The following MICU3 variants were observed in gnomAD, a reference collection of about 807,000 sequenced individuals.
MICU3 encodes the protein calcium uptake protein 3, mitochondrial.
MICU3 carries 62 observed loss-of-function variants against 66.5 expected under a neutral mutation model. The ratio of observed to expected loss-of-function variants is 0.93; its 90% CI spans 0.76 to 1.15. The LOEUF is 1.15. Ranked by LOEUF, MICU3 falls within the 50% of genes most tolerant of loss-of-function variation. MICU3 has a pLI of 0.00. For missense variants in MICU3, 779 were observed against 664.4 expected, an observed-to-expected ratio of 1.17 and a Z score of -1.90; for synonymous variants, 308 against 240.7, an observed-to-expected ratio of 1.28 and a Z score of -2.59.
At chr8:17,049,274 A>G (rs917493124) in intron 1 of MICU3, among the ~76,000 whole-genome samples, 5 of 152,210 alleles carry the variant, frequency 3.3e-5, no homozygotes, top group African/African-American at 1.2e-4. Flanking sequence ...AGAAAAAGCC[A>G]GACAGTAGGA....
chr8:17,054,887 C>T (rs1277117541), intron 1 of MICU3, among the ~76,000 whole-genome samples: 7 of 151,600 alleles, frequency 4.6e-5, no homozygotes, highest in South Asian at 2.1e-4. Context: ...TACAGGCGCC[C>T]GCCACCATGC....
intron 12 of MICU3, among the ~76,000 whole-genome samples, chr8:17,115,638 T>C (rs1025665192): frequency 6.6e-6 from 1 of 152,232 alleles, no homozygotes; most frequent in Admixed American, 6.5e-5. Flanking sequence ...ATCCTGCTAC[T>C]AGCTGCTTTC....
intron 2 of MICU3, 137 bp downstream of exon 2, chr8:17,064,374 A>C: frequency 3.6e-6 from 2 of 561,372 alleles, no homozygotes; most frequent in Non-Finnish European, 5.8e-6. Flanking sequence ...ATTCAGTGTT[A>C]CAGACTGATA....
In MICU3 at chr8:17,117,037, G is replaced by T. The variant is rs189182370; in HGVS notation, c.1524+437G>T. Among the ~76,000 whole-genome samples, 6 of 152,242 alleles carry T rather than the reference G, an allele frequency of 3.9e-5. No individual in the cohort carries two copies. The East Asian group carries it at 1.2e-3, about 29-fold the overall frequency. On this transcript the variant is annotated intron_variant, in intron 13 of 14. Coordinates refer to ENST00000318063, the MANE Select transcript of MICU3 (RefSeq NM_181723.3). ...CTGCCACCCAAGCTAGAGTGCAGTG[G>T]CATGATCACAGCTCACTGCAGCCTT...
At chr8:17,046,085 A>G (rs970763459) in intron 1 of MICU3, among the ~76,000 whole-genome samples, 3 of 152,330 alleles carry the variant, frequency 2.0e-5, no homozygotes, top group South Asian at 2.1e-4. Flanking sequence ...CCTGAGTTCT[A>G]TGAGCTGCTG....
intron 1 of MICU3, among the ~76,000 whole-genome samples, chr8:17,041,970 G>A (rs1312146584): frequency 6.6e-6 from 1 of 152,176 alleles, no homozygotes; most frequent in African/African-American, 2.4e-5. Flanking sequence ...CCTAGCCACT[G>A]TAAAAAACTA....
At chr8:17,059,898 C>A (rs937390045) in intron 1 of MICU3, among the ~76,000 whole-genome samples, 1 of 152,038 alleles carries the variant, frequency 6.6e-6, no homozygotes, top group African/African-American at 2.4e-5. Context: ...TATTGTGAGA[C>A]GATCAATTCT....
At chr8:17,135,753 A>G in the MICU3 span, among the ~76,000 whole-genome samples, 1 of 152,114 alleles carries the variant, frequency 6.6e-6, no homozygotes, top group Non-Finnish European at 1.5e-5. Flanking sequence ...TGTTGATCAG[A>G]AGAAAGTATC....
intron 11 of MICU3, among the ~76,000 whole-genome samples, chr8:17,113,315 A>T (rs1365767130): frequency 2.6e-5 from 4 of 152,242 alleles, no homozygotes; most frequent in Non-Finnish European, 5.9e-5. Context: ...TGCTGAGGAG[A>T]ACCCATTAAC....
intron 11 of MICU3, among the ~76,000 whole-genome samples, chr8:17,110,516 A>C (rs1802096119): frequency 1.3e-5 from 2 of 152,078 alleles, no homozygotes; most frequent in African/African-American, 4.8e-5. Flanking sequence ...ATCATATAGC[A>C]TGTAACCTTT....
chr8:17,100,363 A>T (rs1467182650), intron 9 of MICU3, among the ~76,000 whole-genome samples: 1 of 151,808 alleles, frequency 6.6e-6, no homozygotes, highest in Non-Finnish European at 1.5e-5. Flanking sequence ...AAAAAGAGGA[A>T]AAGAAAAGAA....
intron 1 of MICU3, among the ~76,000 whole-genome samples, chr8:17,036,791 C>T (rs1367535675): frequency 1.3e-5 from 2 of 152,228 alleles, no homozygotes; most frequent in Non-Finnish European, 2.9e-5. Flanking sequence ...GGTGGAGCTA[C>T]CTGCCAGTCC....
rs536834607 is a variant in MICU3, at chr8:17,059,995, T to G, written c.382-4089T>G. On this transcript the variant is annotated intron_variant, in intron 1 of 14. Transcript: ENST00000318063. ...CACTGATTTCAAAGTTTACCTTGAA[T>G]AGAAAATTACCTGTCATCACATATA... Among the ~76,000 whole-genome samples the G allele has an allele frequency of 4.0e-4, 61 of 152,318 alleles. 1 individual carries two copies. The highest frequency in any genetic ancestry group is 1.4e-3 in the African/African-American group (59 of 41,580).
At chr8:17,081,466 G>T (rs1452180954) in intron 4 of MICU3, among the ~76,000 whole-genome samples, 1 of 151,750 alleles carries the variant, frequency 6.6e-6, no homozygotes, top group Non-Finnish European at 1.5e-5. Flanking sequence ...TGCTTTTTTT[G>T]CCAATATATT....
At chr8:17,134,696 G>A in the MICU3 span, among the ~76,000 whole-genome samples, 1 of 152,122 alleles carries the variant, frequency 6.6e-6, no homozygotes, top group Non-Finnish European at 1.5e-5. Context: ...CGCCCGCCTT[G>A]GCCTCCCAAA....
chr8:17,074,599 G>A (rs896546495), intron 3 of MICU3, among the ~76,000 whole-genome samples: 8 of 125,362 alleles, frequency 6.4e-5, no homozygotes, highest in African/African-American at 3.4e-4. Flanking sequence ...ACGTGTGTGT[G>A]TGTGTGTGTG....
intron 1 of MICU3, among the ~76,000 whole-genome samples, chr8:17,059,489 T>C (rs886567930): frequency 6.6e-6 from 1 of 152,184 alleles, no homozygotes; most frequent in Non-Finnish European, 1.5e-5. Flanking sequence ...TTCAACATCA[T>C]TTTTATAGAC....
downstream of MICU3, among the ~76,000 whole-genome samples, chr8:17,124,625 C>G (rs544775069): frequency 1.5e-4 from 23 of 151,608 alleles, no homozygotes; most frequent in African/African-American, 5.3e-4. Flanking sequence ...TGTTTCTTAT[C>G]TTTTATTTTT....
chr8:17,049,606 G>A (rs1156282592), intron 1 of MICU3: 1 of 518,670 alleles, frequency 1.9e-6, no homozygotes, highest in Admixed American at 1.9e-5. Context: ...GATGAAGCTG[G>A]CATTTGAACG....
Sources: gnomAD v4.1 joint callset for allele counts (sites outside exome capture counted in the v4.1 genomes callset) on GRCh38, gnomAD v4.1.1 for gene constraint, MANE v1.5 for transcripts, NCBI Gene and HGNC (gene_info 2026-07-23, HGNC 2026-07-21) for gene names.